The following SPHKAP variants were observed in gnomAD, a reference collection of about 807,000 sequenced individuals.
The protein encoded by SPHKAP is SPHK1 interactor, AKAP domain containing.
In SPHKAP, 67 loss-of-function variants were observed where a neutral mutation model predicts 137.5. That is an observed-to-expected ratio of 0.49 (90% CI 0.40 to 0.60). The LOEUF (loss-of-function observed/expected upper bound fraction) is 0.60, where lower values mean the gene tolerates loss of function less well. Among genes scored for constraint, SPHKAP ranks in the 20% least tolerant of loss-of-function variants. The probability of loss-of-function intolerance (pLI) is 0.00; values close to 1 mark genes in which losing one functional copy is unlikely to be tolerated. For missense variants in SPHKAP, 2,097 were observed against 2,069.3 expected (o/e 1.01, Z -0.26); for synonymous variants, 813 against 785.3 (o/e 1.04, Z -0.59).
chr2:228,018,382 TGAA>T lies in SPHKAP; in HGVS notation c.2469_2471del (p.Ser824del). The T allele has an allele frequency of 6.2e-7, 1 of 1,614,176 alleles. No individual in the cohort carries two copies. The highest frequency in any genetic ancestry group is 8.5e-7 in the Non-Finnish European group (1 of 1,180,010). ...TTTCCTTGGAGGATGTTGTAGCAGT[TGAA>T]GAATCGGGCACTCTGTGACTACGTG... is the stretch of plus-strand genomic sequence containing the variant. On this transcript the variant is annotated inframe_deletion, in exon 7 of 12. Coordinates refer to ENST00000392056, the MANE Select transcript of SPHKAP (RefSeq NM_001142644.2).
chr2:228,140,997 C>CA (rs750267795), intron 1 of SPHKAP, among the ~76,000 whole-genome samples: 153 of 152,068 alleles, frequency 1.0e-3, no homozygotes, highest in Non-Finnish European at 1.6e-3. Flanking sequence ...TTCTTTATAG[C>CA]AAAAAAACAG....
intron 3 of SPHKAP, among the ~76,000 whole-genome samples, chr2:228,071,492 T>C (rs1697004103): frequency 6.6e-6 from 1 of 152,210 alleles, no homozygotes; most frequent in South Asian, 2.1e-4. Flanking sequence ...GGCTTTACAC[T>C]CTTTGGCTTC....
rs368281956 is a variant in SPHKAP at position 227,995,547 on chromosome 2, G to A, written c.4596C>T (p.Asp1532=). The change falls in exon 8 of 12, where the codon GAC becomes GAT. Residue 1532 remains aspartate (D), a synonymous_variant. Coordinates refer to ENST00000392056, the MANE Select transcript of SPHKAP (RefSeq NM_001142644.2). ...CACTGAGCTGGAGAAAGCTACTTGT[G>A]TCATCTGGGTTGTCTTCCTCATTGG... is the stretch of plus-strand genomic sequence containing the variant. ...QLANEEDNPD[D]TSSFLQLSER... is the part of the protein sequence containing the mutation. 1 of 1,614,006 alleles carries A rather than the reference G, an allele frequency of 6.2e-7. No individual in the cohort carries two copies. The highest frequency in any genetic ancestry group is 1.3e-5 in the African/African-American group (1 of 74,922).
At chr2:228,159,695 T>C (rs1033820108) in intron 1 of SPHKAP, among the ~76,000 whole-genome samples, 3 of 152,302 alleles carry the variant, frequency 2.0e-5, no homozygotes, top group South Asian at 4.1e-4. Context: ...TCAGGAAGTA[T>C]ATGTGAAGTT....
intron 3 of SPHKAP, among the ~76,000 whole-genome samples, chr2:228,092,554 G>A (rs59544548): frequency 5.0e-4 from 49 of 98,676 alleles, no homozygotes; most frequent in African/African-American, 1.4e-3. Context: ...ATATATATGT[G>A]TATATGTGCC....
At chr2:228,038,052 G>T (rs550370175) in intron 3 of SPHKAP, among the ~76,000 whole-genome samples, 6 of 152,344 alleles carry the variant, frequency 3.9e-5, no homozygotes, top group African/African-American at 1.4e-4. Context: ...TTGATGAGGA[G>T]ACTGAACGTT....
chr2:228,032,556 A>G (rs1211962115), intron 3 of SPHKAP, among the ~76,000 whole-genome samples: 1 of 152,162 alleles, frequency 6.6e-6, no homozygotes, highest in East Asian at 1.9e-4. Flanking sequence ...CCTCGAGAAG[A>G]GCAACTCCAA....
At chr2:228,007,662 A>G (rs1478445774) in intron 7 of SPHKAP, among the ~76,000 whole-genome samples, 1 of 152,196 alleles carries the variant, frequency 6.6e-6, no homozygotes, top group Non-Finnish European at 1.5e-5. Flanking sequence ...TTCAAAATAT[A>G]TTACAAAGCA....
chr2:228,040,493 A>T (rs1695793339), intron 3 of SPHKAP, among the ~76,000 whole-genome samples: 1 of 152,212 alleles, frequency 6.6e-6, no homozygotes, highest in South Asian at 2.1e-4. Flanking sequence ...ATTTATATCC[A>T]GTCATTGCTT....
chr2:228,013,315 G>A (rs1392163043), intron 7 of SPHKAP, among the ~76,000 whole-genome samples: 5 of 152,092 alleles, frequency 3.3e-5, no homozygotes, highest in East Asian at 1.9e-4. Flanking sequence ...GCAGAGGCAC[G>A]ATCTCGGCTC....
intron 4 of SPHKAP, among the ~76,000 whole-genome samples, chr2:228,027,045 G>A (rs938675129): frequency 9.9e-5 from 15 of 152,098 alleles, no homozygotes; most frequent in Admixed American, 2.6e-4. Flanking sequence ...TTTACATCAG[G>A]GCCCTCACTG....
At chr2:228,146,100 A>G (rs1342917425) in intron 1 of SPHKAP, among the ~76,000 whole-genome samples, 2 of 151,966 alleles carry the variant, frequency 1.3e-5, no homozygotes, top group African/African-American at 4.8e-5. Context: ...TTTTTTCAAA[A>G]CTATGTTTAG....
chr2:228,069,547 A>G (rs1192374332), intron 3 of SPHKAP, among the ~76,000 whole-genome samples: 1 of 151,248 alleles, frequency 6.6e-6, no homozygotes, highest in Non-Finnish European at 1.5e-5. Context: ...CAGCCTCTCA[A>G]AGTACTGGGA....
intron 7 of SPHKAP, among the ~76,000 whole-genome samples, chr2:228,009,278 G>A (rs932333643): frequency 4.6e-5 from 7 of 151,430 alleles, no homozygotes; most frequent in African/African-American, 1.7e-4. Context: ...TTTTTCTCTG[G>A]GCTGCTTTTA....
Position 228,173,009 on chromosome 2 carries a change from C to T in SPHKAP, c.32+8558G>A, listed in dbSNP as rs968865598. 3.0e-6 allele frequency: 3 copies of T among 984,348 alleles called. No homozygotes were observed. In the African/African-American group the frequency reaches 5.2e-5, roughly 17 times the overall value. The allele number at this position is 984,348 out of a possible 1,614,324, so 61.0% of individuals were successfully genotyped here. On this transcript the variant is annotated intron_variant, in intron 1 of 11. Transcript: ENST00000392056. ...AAAACTTGCTGAATAGCATTAATGA[C>T]CACTGCAATAAACATGTGCCAAAGA...
chr2:228,109,009 T>C (rs77048967), intron 2 of SPHKAP, 70 bp from the exon 3 acceptor site: 74 of 945,096 alleles, frequency 7.8e-5, no homozygotes, highest in African/African-American at 2.6e-4. Context: ...CTCTCTCTCT[T>C]TTTTTTTTTT....
chr2:228,097,694 G>T (rs1462391335), intron 3 of SPHKAP, among the ~76,000 whole-genome samples: 1 of 151,874 alleles, frequency 6.6e-6, no homozygotes, highest in Non-Finnish European at 1.5e-5. Context: ...AGTGTCTGTT[G>T]TTCCCACCTT....
At chr2:228,023,495 C>G (rs1694915382) in intron 5 of SPHKAP, among the ~76,000 whole-genome samples, 1 of 152,188 alleles carries the variant, frequency 6.6e-6, no homozygotes, top group African/African-American at 2.4e-5. Context: ...ATTGAATTCA[C>G]AAAGTATCTG....
rs545210225 is a variant in SPHKAP at position 228,026,719 on chromosome 2, G to T, written c.306+765C>A. 4.3e-4 allele frequency among the ~76,000 whole-genome samples: 65 copies of T among 152,230 alleles called. No individual in the cohort carries two copies. The South Asian group carries it at 0.013, about 30-fold the overall frequency. ...TAGTACTACACATATGATGATATTT[G>T]GGGCTCGGTGAAAATTTGTAATCAA... On this transcript the variant is annotated intron_variant, in intron 4 of 11. Coordinates refer to ENST00000392056, the MANE Select transcript of SPHKAP (RefSeq NM_001142644.2).
Sources: allele counts gnomAD v4.1 joint callset (sites outside exome capture counted in the v4.1 genomes callset), GRCh38; gene constraint gnomAD v4.1.1; transcripts MANE v1.5; gene names NCBI Gene and HGNC (gene_info 2026-07-23, HGNC 2026-07-21).